PRKCB: variants seen among roughly 807,000 people sequenced by gnomAD.
PRKCB encodes protein kinase C beta type.
A neutral mutation model predicts 81.5 loss-of-function variants in PRKCB; 13 were observed. The observed-to-expected ratio is 0.16, with a 90% CI of 0.10 to 0.25. PRKCB has a LOEUF of 0.25. PRKCB is among the 10% of genes least tolerant of loss of function. The pLI, the probability that PRKCB is intolerant of heterozygous loss-of-function variation, is 1.00. For missense variants in PRKCB, 509 were observed against 875.7 expected, an observed-to-expected ratio of 0.58 and a Z score of 5.29; for synonymous variants, 335 against 321.4, an observed-to-expected ratio of 1.04 and a Z score of -0.45.
intron 2 of PRKCB, among the ~76,000 whole-genome samples, chr16:23,927,913 G>A (rs527487002): frequency 5.3e-5 from 8 of 151,980 alleles, no homozygotes; most frequent in South Asian, 4.2e-4. Flanking sequence ...TGGGGCTTAG[G>A]GCGTGGATCT....
intron 5 of PRKCB, among the ~76,000 whole-genome samples, chr16:24,064,294 A>G (rs530933604): frequency 7.4e-4 from 113 of 152,334 alleles, no homozygotes; most frequent in Non-Finnish European, 1.2e-3. Flanking sequence ...CCTAATATGT[A>G]CATTAAGGCT....
At chr16:24,086,295 G>A (rs1184450246) in intron 5 of PRKCB, among the ~76,000 whole-genome samples, 1 of 152,070 alleles carries the variant, frequency 6.6e-6, no homozygotes, top group Non-Finnish European at 1.5e-5. Context: ...TCAAGCAAAG[G>A]ACCAGGTAAA....
intron 9 of PRKCB, among the ~76,000 whole-genome samples, chr16:24,138,710 CTG>C (rs1966874470): frequency 6.6e-6 from 1 of 152,052 alleles, no homozygotes; most frequent in Admixed American, 6.6e-5. Flanking sequence ...TATCTTGTAA[CTG>C]AAAGTTTGTA....
At chr16:23,863,107 CAT>C (rs1204836990) in intron 2 of PRKCB, among the ~76,000 whole-genome samples, 1 of 145,998 alleles carries the variant, frequency 6.8e-6, no homozygotes, top group Admixed American at 6.9e-5. Flanking sequence ...TAATATATAA[CAT>C]ATATGATCAT....
chr16:24,080,909 A>C (rs1966240841), intron 5 of PRKCB, among the ~76,000 whole-genome samples: 1 of 152,200 alleles, frequency 6.6e-6, no homozygotes, highest in Non-Finnish European at 1.5e-5. Flanking sequence ...TGATTCTCCT[A>C]AAAAGTAGAT....
At chr16:24,167,687 G>A (rs770753252) in intron 10 of PRKCB, among the ~76,000 whole-genome samples, 6 of 152,144 alleles carry the variant, frequency 3.9e-5, no homozygotes, top group Non-Finnish European at 7.4e-5. Flanking sequence ...TTTGAGGGGA[G>A]GACACATCCA....
chr16:23,897,568 G>A (rs1963399744), intron 2 of PRKCB, among the ~76,000 whole-genome samples: 1 of 152,152 alleles, frequency 6.6e-6, no homozygotes, highest in Non-Finnish European at 1.5e-5. Flanking sequence ...TCTTAGGCAC[G>A]TTGTTTGTTC....
At chr16:24,031,664 G>A (rs1965552552) in intron 3 of PRKCB, among the ~76,000 whole-genome samples, 1 of 152,250 alleles carries the variant, frequency 6.6e-6, no homozygotes, top group South Asian at 2.1e-4. Context: ...TATTCTGTCA[G>A]TGATGAGGAA....
chr16:24,048,664 G>C (rs1223250230), intron 5 of PRKCB, among the ~76,000 whole-genome samples: 2 of 151,802 alleles, frequency 1.3e-5, no homozygotes, highest in African/African-American at 4.8e-5. Context: ...TAATTTTTTT[G>C]TATTTTTAGT....
chr16:23,899,429 A>G (rs1963431979), intron 2 of PRKCB, among the ~76,000 whole-genome samples: 1 of 152,186 alleles, frequency 6.6e-6, no homozygotes, highest in Non-Finnish European at 1.5e-5. Flanking sequence ...TCTGCTGAGG[A>G]TCAGGGCCAT....
At chr16:24,021,355 C>CT (rs1443487567) in intron 3 of PRKCB, among the ~76,000 whole-genome samples, 32 of 73,210 alleles carry the variant, frequency 4.4e-4, no homozygotes, top group Non-Finnish European at 6.4e-4. Flanking sequence ...TCCTTCCTTC[C>CT]TCCTTCCCTC....
At chr16:23,932,537 C>T (rs931142266) in intron 2 of PRKCB, among the ~76,000 whole-genome samples, 1 of 152,226 alleles carries the variant, frequency 6.6e-6, no homozygotes, top group Non-Finnish European at 1.5e-5. Flanking sequence ...CCACTTGATC[C>T]TCTCTCTGGG....
chr16:24,058,120 T>C (rs1379955195), intron 5 of PRKCB, among the ~76,000 whole-genome samples: 3 of 152,160 alleles, frequency 2.0e-5, no homozygotes, highest in Non-Finnish European at 4.4e-5. Flanking sequence ...TCCCTCAGCT[T>C]GGGTTGCTTT....
At chr16:24,090,154 T>A (rs188832389) in intron 5 of PRKCB, among the ~76,000 whole-genome samples, 298 of 152,316 alleles carry the variant, frequency 2.0e-3, no homozygotes, top group South Asian at 7.2e-3. Context: ...ACTTGCTTGT[T>A]GAACTTAACT....
At chr16:24,117,309 C>T (rs888957764) in intron 8 of PRKCB, among the ~76,000 whole-genome samples, 1 of 152,172 alleles carries the variant, frequency 6.6e-6, no homozygotes, top group Non-Finnish European at 1.5e-5. Flanking sequence ...AGTTACCACA[C>T]GTGGTATACT....
chr16:24,211,895 G>C (rs1458590989), intron 16 of PRKCB, among the ~76,000 whole-genome samples: 1 of 152,120 alleles, frequency 6.6e-6, no homozygotes, highest in Non-Finnish European at 1.5e-5. Flanking sequence ...AAGTGAGCAG[G>C]AGGCAGAGGC....
chr16:23,975,899 C>A (rs2560402), intron 2 of PRKCB, among the ~76,000 whole-genome samples: 118,993 of 152,124 alleles, frequency 0.78, 47,601 homozygotes, highest in East Asian at 0.99. Flanking sequence ...GGAAAAGAGG[C>A]ATTTATTGGC....
chr16:23,847,761 A>G (rs1053161585), intron 2 of PRKCB, among the ~76,000 whole-genome samples: 59 of 152,248 alleles, frequency 3.9e-4, no homozygotes, highest in Admixed American at 7.8e-4. Flanking sequence ...AATATATTGT[A>G]TAATGTCAGG....
At chr16:23,857,214 C>T (rs749373853) in intron 2 of PRKCB, among the ~76,000 whole-genome samples, 2 of 152,292 alleles carry the variant, frequency 1.3e-5, no homozygotes, top group South Asian at 2.1e-4. Flanking sequence ...AACTGCCTGG[C>T]CTGACCTGTC....
Sources: gnomAD v4.1 joint callset for allele counts (sites outside exome capture counted in the v4.1 genomes callset) on GRCh38, gnomAD v4.1.1 for gene constraint, MANE v1.5 for transcripts, NCBI Gene and HGNC (gene_info 2026-07-23, HGNC 2026-07-21) for gene names.